The following HID1 variants were observed in gnomAD, a reference collection of about 807,000 sequenced individuals.
HID1 encodes the protein HID1 domain containing.
A neutral mutation model predicts 89.7 loss-of-function variants in HID1; 42 were observed. The observed-to-expected ratio is 0.47, with a 90% CI of 0.37 to 0.61. The LOEUF is 0.61. HID1 is among the 20% of genes least tolerant of loss of function. The pLI, the probability that HID1 is intolerant of heterozygous loss-of-function variation, is 0.00. For synonymous variants in HID1, 442 were observed against 433.8 expected, an observed-to-expected ratio of 1.02 and a Z score of -0.24; for missense variants, 854 against 1,039.3, an observed-to-expected ratio of 0.82 and a Z score of 2.45.
At chr17:74,957,980 T>C (rs1394204497) in intron 12 of HID1, 161 bp downstream of exon 12, 3 of 611,610 alleles carry the variant, frequency 4.9e-6, no homozygotes, top group Non-Finnish European at 8.7e-6. Flanking sequence ...TATTCAATTG[T>C]TGTCACCCTT....
At position 74,962,934 on chromosome 17, in the gene HID1, G is replaced by A. The variant is rs370272898; in HGVS notation, c.504+31C>T. 4.8e-4 allele frequency: 726 copies of A among 1,519,654 alleles called. 2 individuals are homozygous for A. Among genetic ancestry groups the A allele is most frequent in the Middle Eastern group, 6.8e-4 (4 of 5,874 alleles). The allele number at this position is 1,519,654 out of a possible 1,614,324, so 94.1% of individuals were successfully genotyped here. A position where few individuals can be genotyped will look rare whatever the true frequency, so the allele number is the denominator to read the frequency against. ...CCAACCCAGGACCAGAGCCTACTCC[G>A]CCTGGGGGTGGGGGGCTGGGGGACA... On this transcript the variant is annotated intron_variant, in intron 4 of 18. Coordinates refer to ENST00000425042, the MANE Select transcript of HID1 (RefSeq NM_030630.3). The surrounding 1 kb of genome is among the most constrained non-coding windows in gnomAD (Gnocchi z 4.3).
rs2039341953 is a variant in HID1, at chr17:74,953,660, G to A, written c.1865-9C>T. ...GGTCAGCTTGTCAATGCCTGGGCAG[G>A]GCACAGGTGGGAGTGAGGACTCCCT... On this transcript the variant is annotated splice_polypyrimidine_tract_variant and intron_variant, in intron 14 of 18. Transcript: ENST00000425042. The A allele has an allele frequency of 6.2e-7, 1 of 1,610,422 alleles. No individual in the cohort carries two copies. The highest frequency in any genetic ancestry group is 1.7e-5 in the Admixed American group (1 of 60,016).
In HID1 at chr17:74,962,936, C is replaced by T. The variant is rs749689408; in HGVS notation, c.504+29G>A. 5.9e-6 allele frequency: 9 copies of T among 1,536,662 alleles called. No individual in the cohort carries two copies. Among genetic ancestry groups the T allele is most frequent in the Non-Finnish European group, 7.2e-6 (8 of 1,114,622 alleles). Reference sequence around the variant, plus strand: ...AACCCAGGACCAGAGCCTACTCCGCCTGGGGGTGGGGGGCTGGGGGACACT... The same window carrying T: ...AACCCAGGACCAGAGCCTACTCCGCTTGGGGGTGGGGGGCTGGGGGACACT... On this transcript the variant is annotated intron_variant, in intron 4 of 18. Coordinates refer to ENST00000425042, the MANE Select transcript of HID1 (RefSeq NM_030630.3). The surrounding 1 kb of genome is among the most constrained non-coding windows in gnomAD (Gnocchi z 4.3).
rs1377327754 is a variant in HID1, at chr17:74,972,563, T to TGGGGACGCC, written c.66+19_66+27dup. 1 of 1,538,684 alleles carries TGGGGACGCC rather than the reference T, an allele frequency of 6.5e-7. No individual in the cohort carries two copies. Among genetic ancestry groups the TGGGGACGCC allele is most frequent in the Admixed American group, 2.0e-5 (1 of 50,300 alleles). ...CCCAGCCCCCAGCCCGGCAGGTGGA[T>TGGGGACGCC]GGGGACGCCGGGGCCCCCGTGGCGC... is the stretch of plus-strand genomic sequence containing the variant. On this transcript the variant is annotated intron_variant, in intron 1 of 18. Transcript: ENST00000425042. The surrounding 1 kb of genome is among the most constrained non-coding windows in gnomAD (Gnocchi z 6.4).
intron 3 of HID1, chr17:74,963,307 T>C: frequency 1.9e-6 from 1 of 540,218 alleles, no homozygotes; most frequent in Non-Finnish European, 3.3e-6. Context: ...CCCTACTGAC[T>C]GGAGGGGGCC....
chr17:74,969,720 G>C (rs1240250003), intron 1 of HID1, among the ~76,000 whole-genome samples: 1 of 151,742 alleles, frequency 6.6e-6, no homozygotes, highest in African/African-American at 2.4e-5. Context: ...TCCTGCCTCA[G>C]CCTCCTGAGT....
Position 74,952,258 on chromosome 17 carries a change from GC to G in HID1, c.2144+10del. 1.2e-6 allele frequency: 2 copies of G among 1,609,460 alleles called. No individual in the cohort carries two copies. Among genetic ancestry groups the G allele is most frequent in the East Asian group, 4.5e-5 (2 of 44,816 alleles). ...GCCCACAACCCCCGGCCCTGCCGGC[GC>G]CCGACTCACTTGTCAATGCAGATCT... On this transcript the variant is annotated intron_variant, in intron 17 of 18. Transcript: ENST00000425042.
rs1277186589 is a variant in HID1, at chr17:74,958,025, G to T, written c.1471+116C>A. 3.5e-6 allele frequency: 3 copies of T among 847,576 alleles called. No homozygotes were observed. The East Asian group carries it at 8.0e-5, about 23-fold the overall frequency. The allele number at this position is 847,576 out of a possible 1,614,324, so 52.5% of individuals were successfully genotyped here. A position where few individuals can be genotyped will look rare whatever the true frequency, so the allele number is the denominator to read the frequency against. On this transcript the variant is annotated intron_variant, in intron 12 of 18. Transcript: ENST00000425042. The surrounding 1 kb of genome is among the most constrained non-coding windows in gnomAD (Gnocchi z 5.2). ...TGTGGCTACTATGAAGGGTACACAA[G>T]CTTGCGTTCTTTCTGTGGGCTGGAG... is the stretch of plus-strand genomic sequence containing the variant.
chr17:74,956,993 G>A lies in HID1; in HGVS notation c.1472-1037C>T, dbSNP rs189276668. Among the ~76,000 whole-genome samples the A allele has an allele frequency of 1.8e-3, 278 of 152,302 alleles. 2 individuals carry two copies. Among genetic ancestry groups the A allele is most frequent in the African/African-American group, 5.9e-3 (246 of 41,564 alleles). ...GACATCAGCCACGTGTGGCCATTTCGTGCTTGAAACACAGCTAGTCCTAAC... is the reference window on the plus strand; with the variant it reads ...GACATCAGCCACGTGTGGCCATTTCATGCTTGAAACACAGCTAGTCCTAAC... On this transcript the variant is annotated intron_variant, in intron 12 of 18. Coordinates refer to ENST00000425042, the MANE Select transcript of HID1 (RefSeq NM_030630.3).
intron 1 of HID1, among the ~76,000 whole-genome samples, chr17:74,969,853 C>T (rs897554632): frequency 1.3e-5 from 2 of 149,964 alleles, no homozygotes; most frequent in African/African-American, 2.5e-5. Flanking sequence ...CTCCTGCCTC[C>T]ACCTCCCAAA....
At chr17:74,964,215 G>C (rs369352897) in intron 2 of HID1, 1 of 592,994 alleles carries the variant, frequency 1.7e-6, no homozygotes, top group Non-Finnish European at 3.0e-6. Context: ...GTAAACTGGC[G>C]ACCCTGGCAG....
intron 18 of HID1, 119 bp downstream of exon 18, chr17:74,951,786 C>G (rs1053244001): frequency 5.1e-6 from 7 of 1,380,366 alleles, no homozygotes; most frequent in Non-Finnish European, 5.9e-6. Flanking sequence ...GCAAGGCCGC[C>G]TTAGTTGACT....
Position 74,962,433 on chromosome 17 carries a change from C to T in HID1, c.505-93G>A, listed in dbSNP as rs543107669. 12 of 757,120 alleles carry T rather than the reference C, an allele frequency of 1.6e-5. No homozygotes were observed. In the East Asian group the frequency reaches 3.3e-4, roughly 21 times the overall value. The allele number at this position is 757,120 out of a possible 1,614,324, so 46.9% of individuals were successfully genotyped here. On this transcript the variant is annotated intron_variant, in intron 4 of 18. Transcript: ENST00000425042. The surrounding 1 kb of genome is among the most constrained non-coding windows in gnomAD (Gnocchi z 4.3). The stretch of plus-strand genomic sequence containing the variant: ...TGGCCACCTCGAGCCTCACACAGTC[C>T]CAGGGGCAGAGACCGCCAGTTCTCC...
chr17:74,953,378 C>A (rs2039336709), intron 15 of HID1, among the ~76,000 whole-genome samples, 167 bp downstream of exon 15: 2 of 152,234 alleles, frequency 1.3e-5, no homozygotes, highest in East Asian at 1.9e-4. Flanking sequence ...GTGAAAGGCC[C>A]CCACCCCCAA....
At chr17:74,954,406 C>T (rs753496766) in intron 13 of HID1, 41 bp from the exon 14 acceptor site, 1 of 1,548,716 alleles carries the variant, frequency 6.5e-7, no homozygotes, top group Admixed American at 2.0e-5. Flanking sequence ...GAGGCCCCCT[C>T]CAGCTCCCCC....
Position 74,972,554 on chromosome 17 carries a change from G to A in HID1, c.66+37C>T, listed in dbSNP as rs1215908558. 1.3e-6 allele frequency: 2 copies of A among 1,529,246 alleles called. No homozygotes were observed. The highest frequency in any genetic ancestry group is 1.2e-5 in the South Asian group (1 of 82,626). The allele number at this position is 1,529,246 out of a possible 1,614,324, so 94.7% of individuals were successfully genotyped here. On this transcript the variant is annotated intron_variant, in intron 1 of 18. Coordinates refer to ENST00000425042, the MANE Select transcript of HID1 (RefSeq NM_030630.3). The surrounding 1 kb of genome is among the most constrained non-coding windows in gnomAD (Gnocchi z 6.4). ...CCGGCCCTGCCCAGCCCCCAGCCCG[G>A]CAGGTGGATGGGGACGCCGGGGCCC...
At chr17:74,964,036 G>C (rs2039526079) in intron 2 of HID1, 126 bp from the exon 3 acceptor site, 1 of 980,910 alleles carries the variant, frequency 1.0e-6, no homozygotes, top group Admixed American at 2.3e-5. Context: ...GCAGAGGAGA[G>C]ACAGTGGGGC....
chr17:74,951,448 G>A lies in HID1; in HGVS notation c.*122C>T. On this transcript the variant is annotated 3_prime_UTR_variant, in exon 19 of 19. Transcript: ENST00000425042. ...GGGGTCTCTAGGGCATGACACTCAG[G>A]GCCACTCTGCCTGTTCCAGGCCCTG... 1 of 948,152 alleles carries A rather than the reference G, an allele frequency of 1.1e-6. No individual in the cohort carries two copies. Among genetic ancestry groups the A allele is most frequent in the Non-Finnish European group, 1.6e-6 (1 of 608,386 alleles). The allele number at this position is 948,152 out of a possible 1,614,324, so 58.7% of individuals were successfully genotyped here.
In HID1 at chr17:74,951,508, G is replaced by A. The variant is rs2039297426; in HGVS notation, c.*62C>T. 1 of 1,479,796 alleles carries A rather than the reference G, an allele frequency of 6.8e-7. No individual in the cohort carries two copies. The highest frequency in any genetic ancestry group is 1.2e-5 in the South Asian group (1 of 84,342). The allele number at this position is 1,479,796 out of a possible 1,614,324, so 91.7% of individuals were successfully genotyped here. ...ATTTAAAGCTCAGAATGGTGGATGGGGGAAGCCTCAGGGACCAAGGCCCTG... is the reference window on the plus strand; with the variant it reads ...ATTTAAAGCTCAGAATGGTGGATGGAGGAAGCCTCAGGGACCAAGGCCCTG... On this transcript the variant is annotated 3_prime_UTR_variant, in exon 19 of 19. Coordinates refer to ENST00000425042, the MANE Select transcript of HID1 (RefSeq NM_030630.3).
Sources: allele counts gnomAD v4.1 joint callset (sites outside exome capture counted in the v4.1 genomes callset), GRCh38; gene constraint gnomAD v4.1.1; non-coding constraint Gnocchi (gnomAD v3.1); transcripts MANE v1.5; gene names NCBI Gene and HGNC (gene_info 2026-07-23, HGNC 2026-07-21).